PACS1: variants seen among roughly 807,000 people sequenced by gnomAD.
PACS1 encodes the protein PACS-1.
PACS1 carries 24 observed loss-of-function variants against 115.0 expected under a neutral mutation model. That is an observed-to-expected ratio of 0.21 (90% CI 0.15 to 0.29). The LOEUF (loss-of-function observed/expected upper bound fraction) is 0.29. Ranked by LOEUF, PACS1 falls within the 10% of genes least tolerant of loss-of-function variation. The pLI is 1.00. For missense variants in PACS1, 838 were observed against 1,251.2 expected, an observed-to-expected ratio of 0.67 and a Z score of 4.98; for synonymous variants, 453 against 504.5, an observed-to-expected ratio of 0.90 and a Z score of 1.37.
At chr11:66,133,644 AG>A (rs1268060451) in intron 1 of PACS1, among the ~76,000 whole-genome samples, 2 of 152,204 alleles carry the variant, frequency 1.3e-5, no homozygotes, top group Non-Finnish European at 2.9e-5. Flanking sequence ...CAGGAACTAT[AG>A]GCACACACCA....
At chr11:66,161,766 C>G (rs544616532) in intron 1 of PACS1, among the ~76,000 whole-genome samples, 2 of 151,858 alleles carry the variant, frequency 1.3e-5, no homozygotes, top group Non-Finnish European at 2.9e-5. Context: ...TTTTTTCCTA[C>G]GGAAAAACCC....
At chr11:66,216,948 G>T (rs899910184) in intron 7 of PACS1, 173 bp downstream of exon 7, 16 of 601,318 alleles carry the variant, frequency 2.7e-5, no homozygotes, top group African/African-American at 1.3e-4. Flanking sequence ...ACTCACTGTT[G>T]TTGGGAACCA....
At chr11:66,238,372 G>A (rs1293915895) in intron 19 of PACS1, 3 of 1,014,456 alleles carry the variant, frequency 3.0e-6, no homozygotes, top group Non-Finnish European at 3.5e-6. Context: ...TTTATCCCCA[G>A]AGAAGAGCTG....
chr11:66,207,499 T>C (rs1027331259), intron 2 of PACS1, among the ~76,000 whole-genome samples: 1 of 152,116 alleles, frequency 6.6e-6, no homozygotes, highest in African/African-American at 2.4e-5. Context: ...ACAAAATCAG[T>C]GTTCAAATTT....
intron 1 of PACS1, among the ~76,000 whole-genome samples, chr11:66,072,332 C>T (rs1857322547): frequency 6.6e-6 from 1 of 152,108 alleles, no homozygotes; most frequent in African/African-American, 2.4e-5. Flanking sequence ...TTAACACCCA[C>T]AGTAATGCAC....
intron 7 of PACS1, chr11:66,217,413 T>G: frequency 5.4e-6 from 2 of 369,506 alleles, no homozygotes. Flanking sequence ...CTGGAGTGCC[T>G]GCATGAAGTG....
intron 1 of PACS1, among the ~76,000 whole-genome samples, chr11:66,150,436 C>A (rs568919931): frequency 3.2e-4 from 49 of 151,292 alleles, no homozygotes; most frequent in African/African-American, 1.1e-3. Flanking sequence ...CTGAGCTATT[C>A]TTTTTCTTTT....
At chr11:66,086,319 T>C (rs558701905) in intron 1 of PACS1, among the ~76,000 whole-genome samples, 1,596 of 152,034 alleles carry the variant, frequency 0.01, 18 homozygotes, top group Non-Finnish European at 0.016. Context: ...TTTGTATTTT[T>C]AGTAGAGACG....
chr11:66,098,778 C>T (rs1003268311), intron 1 of PACS1, among the ~76,000 whole-genome samples: 1 of 152,146 alleles, frequency 6.6e-6, no homozygotes, highest in Non-Finnish European at 1.5e-5. Flanking sequence ...TGTCCACAAC[C>T]GTTAGATATC....
intron 19 of PACS1, 115 bp from the exon 20 acceptor site, chr11:66,238,689 C>T (rs1191564166): frequency 2.7e-5 from 27 of 986,966 alleles, no homozygotes; most frequent in Non-Finnish European, 3.8e-5. Context: ...ATTTTAAAGT[C>T]GGCAATAAAA....
chr11:66,096,565 G>A (rs1222490894), intron 1 of PACS1, among the ~76,000 whole-genome samples: 1 of 149,282 alleles, frequency 6.7e-6, no homozygotes, highest in Non-Finnish European at 1.5e-5. Context: ...GTGCAATGGC[G>A]TGATCTTGGC....
chr11:66,074,941 G>GTTTTT (rs71036269), intron 1 of PACS1, among the ~76,000 whole-genome samples: 41 of 114,208 alleles, frequency 3.6e-4, no homozygotes, highest in African/African-American at 4.6e-4. Context: ...TTTTTTTGGT[G>GTTTTT]TTTTTTTTTT....
intron 1 of PACS1, among the ~76,000 whole-genome samples, chr11:66,134,567 T>G (rs1590768196): frequency 1.1e-5 from 1 of 87,656 alleles, no homozygotes; most frequent in Non-Finnish European, 2.3e-5. Flanking sequence ...TTTTGATGTA[T>G]TTTTTTTTCT....
At chr11:66,133,677 A>AT (rs1479209439) in intron 1 of PACS1, among the ~76,000 whole-genome samples, 3 of 151,928 alleles carry the variant, frequency 2.0e-5, no homozygotes, top group Non-Finnish European at 2.9e-5. Context: ...TAACTTTTCA[A>AT]TTTTTTTGTA....
intron 1 of PACS1, among the ~76,000 whole-genome samples, chr11:66,085,961 G>A (rs566133949): frequency 4.4e-4 from 67 of 152,230 alleles, no homozygotes; most frequent in African/African-American, 1.1e-3. Flanking sequence ...GGTGTATTGT[G>A]TTGGTCACTC....
intron 1 of PACS1, among the ~76,000 whole-genome samples, chr11:66,148,255 A>G (rs1859167897): frequency 6.6e-6 from 1 of 152,118 alleles, no homozygotes; most frequent in Non-Finnish European, 1.5e-5. Flanking sequence ...CCTGGGCTCA[A>G]GTGATCCTCT....
intron 1 of PACS1, among the ~76,000 whole-genome samples, chr11:66,190,223 A>G (rs940842411): frequency 6.6e-6 from 1 of 152,192 alleles, no homozygotes; most frequent in Non-Finnish European, 1.5e-5. Flanking sequence ...CTCAAATAAA[A>G]CATTTGAATT....
At chr11:66,193,760 C>G (rs570923109) in intron 2 of PACS1, among the ~76,000 whole-genome samples, 187 bp downstream of exon 2, 97 of 152,324 alleles carry the variant, frequency 6.4e-4, no homozygotes, top group African/African-American at 2.2e-3. Flanking sequence ...TTGGTTAGGG[C>G]ACTCAGTTTC....
chr11:66,107,428 C>T (rs1350410582), intron 1 of PACS1, among the ~76,000 whole-genome samples: 1 of 152,176 alleles, frequency 6.6e-6, no homozygotes. Context: ...ATATCCTTTT[C>T]CTGTATACTA....
Sources: gnomAD v4.1 joint callset for allele counts (sites outside exome capture counted in the v4.1 genomes callset) on GRCh38, gnomAD v4.1.1 for gene constraint, MANE v1.5 for transcripts, NCBI Gene and HGNC (gene_info 2026-07-23, HGNC 2026-07-21) for gene names.